The following EHHADH variants were observed in gnomAD, a reference collection of about 807,000 sequenced individuals.
The protein encoded by EHHADH is peroxisomal bifunctional enzyme.
In EHHADH, 48 loss-of-function variants were observed where a neutral mutation model predicts 64.4. That is an observed-to-expected ratio of 0.75 (90% confidence interval 0.59 to 0.95). The LOEUF is 0.95. EHHADH is among the 40% of genes least tolerant of loss of function. EHHADH has a pLI of 0.00. For missense variants in EHHADH, 854 were observed against 876.6 expected, an observed-to-expected ratio of 0.97 and a Z score of 0.33; for synonymous variants, 308 against 326.7, an observed-to-expected ratio of 0.94 and a Z score of 0.62.
At chr3:185,227,652 C>G (rs1030465024) in intron 4 of EHHADH, among the ~76,000 whole-genome samples, 3 of 151,640 alleles carry the variant, frequency 2.0e-5, no homozygotes, top group African/African-American at 7.3e-5. Context: ...ATGGAGAAAC[C>G]CTGTCTCTAC....
intron 2 of EHHADH, chr3:185,246,070 CTTCTTTTTA>C: frequency 7.8e-7 from 1 of 1,279,290 alleles, no homozygotes; most frequent in South Asian, 1.2e-5. Flanking sequence ...TCTTCTTTTT[CTTCTTTTTA>C]TTCCAAGCAT....
intron 2 of EHHADH, among the ~76,000 whole-genome samples, chr3:185,239,790 G>T (rs1577374558): frequency 6.6e-6 from 1 of 151,666 alleles, no homozygotes; most frequent in Non-Finnish European, 1.5e-5. Context: ...TTGCCTGATT[G>T]CTCTGGCTAG....
chr3:185,212,901 C>G (rs1182401056), intron 5 of EHHADH, among the ~76,000 whole-genome samples: 1 of 151,928 alleles, frequency 6.6e-6, no homozygotes, highest in Non-Finnish European at 1.5e-5. Flanking sequence ...AGGTGGATCA[C>G]TTGGGGTCAG....
At chr3:185,244,231 T>C (rs1258966320) in intron 2 of EHHADH, among the ~76,000 whole-genome samples, 1 of 152,210 alleles carries the variant, frequency 6.6e-6, no homozygotes, top group East Asian at 1.9e-4. Flanking sequence ...AGTTTGTGGG[T>C]GTTTTTACCA....
chr3:185,199,255 T>C (rs1718159372), intron 6 of EHHADH, among the ~76,000 whole-genome samples: 1 of 151,928 alleles, frequency 6.6e-6, no homozygotes, highest in Non-Finnish European at 1.5e-5. Context: ...TGAAGAAAAA[T>C]TATTTGATGA....
chr3:185,209,639 C>T (rs1449848320), intron 5 of EHHADH, among the ~76,000 whole-genome samples: 3 of 152,164 alleles, frequency 2.0e-5, no homozygotes, highest in South Asian at 4.1e-4. Context: ...TCCAAGGGAA[C>T]GTGAGTAAGG....
At chr3:185,222,109 G>T (rs547527628) in intron 4 of EHHADH, among the ~76,000 whole-genome samples, 1 of 151,958 alleles carries the variant, frequency 6.6e-6, no homozygotes, top group African/African-American at 2.4e-5. Context: ...GCCGGATGTG[G>T]TGGCTCACAC....
At position 185,193,300 on chromosome 3, in the gene EHHADH, A is replaced by G; in HGVS notation, c.1098T>C (p.Thr366=). The G allele has an allele frequency of 3.1e-6, 5 of 1,609,364 alleles. No individual in the cohort carries two copies. Among genetic ancestry groups the G allele is most frequent in the Non-Finnish European group, 4.2e-6 (5 of 1,178,238 alleles). ...HPWSGPKPRL[T]SSVKELGGVD... The stretch of plus-strand genomic sequence containing the variant: ...CACCACCAAGCTCCTTCACAGATGA[A>G]GTTAACCTGGGTTTTGGTCCTGACC... Residue 366 remains threonine, a synonymous_variant, in exon 7 of 7, where the codon ACT becomes ACC. Transcript: ENST00000231887.
chr3:185,221,625 T>C (rs1398025409), intron 4 of EHHADH, among the ~76,000 whole-genome samples: 2 of 141,646 alleles, frequency 1.4e-5, no homozygotes, highest in African/African-American at 2.6e-5. Context: ...CAGGCTGGAG[T>C]GCAGTGGCGC....
chr3:185,249,417 C>T (rs866501794), intron 1 of EHHADH, among the ~76,000 whole-genome samples: 19 of 152,146 alleles, frequency 1.2e-4, no homozygotes, highest in South Asian at 2.1e-4. Context: ...TGTGAGCCAC[C>T]GCGCCCAGCC....
chr3:185,192,081 G>A lies in EHHADH; in HGVS notation c.*145C>T. The A allele has an allele frequency of 1.1e-6, 1 of 937,468 alleles. No homozygotes were observed. The allele number at this position is 937,468 out of a possible 1,614,324, so 58.1% of individuals were successfully genotyped here. A position where few individuals can be genotyped will look rare whatever the true frequency, so the allele number is the denominator to read the frequency against. ...CACATTCCTAAAGATTTGACCATTA[G>A]AGTCGTTACACAGAAGATTCTAATG... is the stretch of plus-strand genomic sequence containing the variant. On this transcript the variant is annotated 3_prime_UTR_variant, in exon 7 of 7. Transcript: ENST00000231887.
chr3:185,235,383 A>C lies in EHHADH; in HGVS notation c.258T>G (p.Asn86Lys). The C allele has an allele frequency of 6.2e-7, 1 of 1,613,882 alleles. No individual in the cohort carries two copies. Among genetic ancestry groups the C allele is most frequent in the South Asian group, 1.1e-5 (1 of 91,066 alleles). The stretch of plus-strand genomic sequence containing the variant: ...GGATTGCTGCCACCACGGGCTTCTC[A>C]TTTCTCTGTATTTCATCTACTACAT... ...LGHVVDEIQR[N>K]EKPVVAAIQG... The change falls in exon 3 of 7, where the codon AAT (asparagine) becomes AAG (lysine). Residue 86 changes from asparagine to lysine, a missense_variant. Coordinates refer to ENST00000231887, the MANE Select transcript of EHHADH (RefSeq NM_001966.4).
intron 2 of EHHADH, among the ~76,000 whole-genome samples, chr3:185,243,553 AT>A (rs1290495133): frequency 2.0e-5 from 3 of 151,922 alleles, no homozygotes; most frequent in African/African-American, 7.3e-5. Context: ...ATCTTTCTAT[AT>A]TTTAAAAAAA....
Position 185,254,029 on chromosome 3 carries a change from T to C in EHHADH, c.-7A>G, listed in dbSNP as rs770725742. 3 of 1,613,348 alleles carry C rather than the reference T, an allele frequency of 1.9e-6. No homozygotes were observed. The highest frequency in any genetic ancestry group is 2.5e-6 in the Non-Finnish European group (3 of 1,179,610). On this transcript the variant is annotated 5_prime_UTR_variant, in exon 1 of 7. Transcript: ENST00000231887. ...GCCGCGTATACTCGGCCATGTTTCC[T>C]CTATCACCGAGGGCACCTCTGCCTC... is the stretch of plus-strand genomic sequence containing the variant.
At chr3:185,201,190 G>A (rs1264845812) in intron 6 of EHHADH, among the ~76,000 whole-genome samples, 2 of 152,098 alleles carry the variant, frequency 1.3e-5, no homozygotes, top group Admixed American at 1.3e-4. Flanking sequence ...TGGAAGTGAG[G>A]TGAGGTGAAT....
At chr3:185,210,157 C>T (rs1478696370) in intron 5 of EHHADH, among the ~76,000 whole-genome samples, 1 of 152,152 alleles carries the variant, frequency 6.6e-6, no homozygotes, top group Non-Finnish European at 1.5e-5. Flanking sequence ...ATAGACAGCG[C>T]TGGGATATCT....
intron 4 of EHHADH, among the ~76,000 whole-genome samples, chr3:185,226,136 G>C (rs577721553): frequency 6.6e-6 from 1 of 152,300 alleles, no homozygotes; most frequent in East Asian, 1.9e-4. Flanking sequence ...ATACTGAATA[G>C]AGAAGACCTG....
chr3:185,232,348 T>G (rs1719158847), intron 3 of EHHADH, among the ~76,000 whole-genome samples: 1 of 152,238 alleles, frequency 6.6e-6, no homozygotes, highest in Non-Finnish European at 1.5e-5. Context: ...ATATGTGTAT[T>G]TATTTGTAAG....
At chr3:185,237,138 C>T (rs567731523) in intron 2 of EHHADH, among the ~76,000 whole-genome samples, 1 of 152,278 alleles carries the variant, frequency 6.6e-6, no homozygotes, top group South Asian at 2.1e-4. Context: ...AAAACCAAAG[C>T]ACAAACAGTG....
Sources: gnomAD v4.1 joint callset for allele counts (sites outside exome capture counted in the v4.1 genomes callset) on GRCh38, gnomAD v4.1.1 for gene constraint, MANE v1.5 for transcripts, NCBI Gene and HGNC (gene_info 2026-07-23, HGNC 2026-07-21) for gene names.